The following RAC2 variants were observed in gnomAD, a reference collection of about 807,000 sequenced individuals.
The protein encoded by RAC2 is ras-related C3 botulinum toxin substrate 2.
In RAC2, 1 loss-of-function variant was observed where a neutral mutation model predicts 24.0. That is an observed-to-expected ratio of 0.04 (90% CI 0.01 to 0.20). The LOEUF (loss-of-function observed/expected upper bound fraction) is 0.20. Among genes scored for constraint, RAC2 ranks in the 10% least tolerant of loss-of-function variants. RAC2 has a pLI of 1.00. For missense variants in RAC2, 130 were observed against 259.1 expected (o/e 0.50, Z 3.42); for synonymous variants, 114 against 106.8 (o/e 1.07, Z -0.41).
intron 3 of RAC2, chr22:37,232,406 A>G (rs1414042070): frequency 9.5e-6 from 4 of 419,788 alleles, no homozygotes; most frequent in Non-Finnish European, 1.8e-5. Flanking sequence ...GCCTCCCTGC[A>G]TACCCTGGAG....
rs1374639566 is a variant in RAC2 at position 37,244,212 on chromosome 22, C to A, written c.-64G>T. 21 of 1,596,418 alleles carry A rather than the reference C, an allele frequency of 1.3e-5. No individual in the cohort carries two copies. The highest frequency in any genetic ancestry group is 1.8e-5 in the Non-Finnish European group (21 of 1,169,934). The stretch of plus-strand genomic sequence containing the variant: ...AGGGCCAGGCGCGTTTCTGCGGGCG[C>A]AAGGGGTGTGGAGGCTGGTGAGGCG... On this transcript the variant is annotated 5_prime_UTR_variant, in exon 1 of 7. Transcript: ENST00000249071.
Position 37,232,842 on chromosome 22 carries a change from C to T in RAC2, c.184G>A (p.Glu62Lys), listed in dbSNP as rs1555908409. The change falls in exon 3 of 7, where the codon GAG becomes AAG. Residue 62 changes from glutamate (E) to lysine (K), a missense_variant. Transcript: ENST00000249071. ...NLGLWDTAGQ[E>K]DYDRLRPLSY... ...AGCGGCCGGAGACGGTCGTAGTCCT[C>T]CTGCCCAGCAGTGTCCCACAGCCCC... is the stretch of plus-strand genomic sequence containing the variant. 6.2e-7 allele frequency: 1 copy of T among 1,614,088 alleles called. No homozygotes were observed. Among genetic ancestry groups the T allele is most frequent in the Non-Finnish European group, 8.5e-7 (1 of 1,180,030 alleles).
At chr22:37,238,081 T>C (rs1416908497) in intron 2 of RAC2, among the ~76,000 whole-genome samples, 1 of 151,758 alleles carries the variant, frequency 6.6e-6, no homozygotes, top group African/African-American at 2.4e-5. Context: ...GTCTGTGTAC[T>C]TGGAGTGAAG....
intron 3 of RAC2, chr22:37,232,538 C>G (rs567573793): frequency 1.9e-6 from 1 of 524,614 alleles, no homozygotes; most frequent in African/African-American, 1.9e-5. Flanking sequence ...CCTGCCCCAC[C>G]ACTGGAAACA....
intron 1 of RAC2, 51 bp downstream of exon 1, chr22:37,244,063 T>A (rs754081675): frequency 4.3e-5 from 70 of 1,612,246 alleles, no homozygotes; most frequent in Non-Finnish European, 5.7e-5. Context: ...GGCGGAAGGA[T>A]CTCAGGGCAT....
chr22:37,231,275 G>A lies in RAC2; in HGVS notation c.404C>T (p.Ala135Val), dbSNP rs1234647793. 2 of 1,613,906 alleles carry A rather than the reference G, an allele frequency of 1.2e-6. No individual in the cohort carries two copies. The highest frequency in any genetic ancestry group is 4.5e-5 in the East Asian group (2 of 44,876). The change falls in exon 5 of 7, where the codon GCT (alanine) becomes GTT (valine). Residue 135 changes from alanine to valine, a missense_variant. Coordinates refer to ENST00000249071, the MANE Select transcript of RAC2 (RefSeq NM_002872.5). The surrounding 1 kb of genome is among the most constrained non-coding windows in gnomAD (Gnocchi z 5.5). ...TIEKLKEKKL[A>V]PITYPQGLAL... ...CAGGCCCTGCGGGTAGGTGATGGGA[G>A]CCAGCTTCTTCTCCTTCAGTTTCTC...
chr22:37,240,730 A>G (rs1927361333), intron 2 of RAC2: 2 of 432,048 alleles, frequency 4.6e-6, no homozygotes, highest in East Asian at 8.4e-5. Flanking sequence ...TGGGGAGTGG[A>G]GACCCCTTCG....
At position 37,231,592 on chromosome 22, in the gene RAC2, G is replaced by A; in HGVS notation, c.289-202C>T. 3.3e-6 allele frequency: 2 copies of A among 611,656 alleles called. No individual in the cohort carries two copies. Among genetic ancestry groups the A allele is most frequent in the Non-Finnish European group, 5.8e-6 (2 of 345,448 alleles). The allele number at this position is 611,656 out of a possible 1,614,324, so 37.9% of individuals were successfully genotyped here. ...GCCACGACGTTGTGCAGGAAGGAGG[G>A]GGCGCATGATTGTAGGAAAGGAGGA... On this transcript the variant is annotated intron_variant, in intron 4 of 6. Coordinates refer to ENST00000249071, the MANE Select transcript of RAC2 (RefSeq NM_002872.5). This position sits in a 1 kb window ranked among gnomAD's most constrained non-coding sequence, Gnocchi z 5.5.
Position 37,231,334 on chromosome 22 carries a change from G to C in RAC2, c.345C>G (p.Thr115=). The C allele has an allele frequency of 6.2e-7, 1 of 1,614,140 alleles. No homozygotes were observed. The highest frequency in any genetic ancestry group is 8.5e-7 in the Non-Finnish European group (1 of 1,180,034). The change falls in exon 5 of 7, where the codon ACC becomes ACG. Residue 115 remains threonine (T), a synonymous_variant. Coordinates refer to ENST00000249071, the MANE Select transcript of RAC2 (RefSeq NM_002872.5). The surrounding 1 kb of genome is among the most constrained non-coding windows in gnomAD (Gnocchi z 5.5). ...CCTTGTCGTCCCGCAGGTCCAGCTT[G>C]GTGCCCACCAGGATGATGGGTGTGC... ...CPSTPIILVG[T]KLDLRDDKDT... is the part of the protein sequence containing the mutation.
chr22:37,239,002 A>G lies in RAC2; in HGVS notation c.107+2585T>C, dbSNP rs546699814. The stretch of plus-strand genomic sequence containing the variant: ...CCAGCAAACCTACCATCCTCAGCCC[A>G]GAAGCTCTCTCCACCTTAATCTCAG... On this transcript the variant is annotated intron_variant, in intron 2 of 6. Transcript: ENST00000249071. Among the ~76,000 whole-genome samples, 3 of 152,290 alleles carry G rather than the reference A, an allele frequency of 2.0e-5. No individual in the cohort carries two copies. In the South Asian group the frequency reaches 6.2e-4, roughly 32 times the overall value.
At chr22:37,241,141 GCAA>G in intron 2 of RAC2, 1 of 778,746 alleles carries the variant, frequency 1.3e-6, no homozygotes, top group Non-Finnish European at 2.4e-6. Context: ...TCCGCATCCT[GCAA>G]TAGAGCGCAG....
intron 1 of RAC2, among the ~76,000 whole-genome samples, chr22:37,242,506 A>G (rs1927432574): frequency 6.6e-6 from 1 of 152,128 alleles, no homozygotes; most frequent in Admixed American, 6.5e-5. Flanking sequence ...AGCTCAGCCG[A>G]AGCCCAGAGG....
Position 37,226,798 on chromosome 22 carries a change from C to T in RAC2, c.454G>A (p.Val152Met), listed in dbSNP as rs1009920056. The change falls in exon 6 of 7, where the codon GTG becomes ATG. Residue 152 changes from valine to methionine, a missense_variant. Around this residue, in one of 2 missense-constraint regions of RAC2, gnomAD observed 119 missense variants for 192.1 expected, o/e 0.62. Transcript: ENST00000249071. ...GLALAKEIDSVKYLECSALTQ... is the reference protein window; with the variant it reads ...GLALAKEIDSMKYLECSALTQ... ...AGAGCTGAGCACTCCAGGTATTTCA[C>T]CGAGTCTGGTTGGGGAGATGGACAG... 6.2e-7 allele frequency: 1 copy of T among 1,612,686 alleles called. No homozygotes were observed. The highest frequency in any genetic ancestry group is 8.5e-7 in the Non-Finnish European group (1 of 1,179,452).
At chr22:37,228,816 G>A (rs901075639) in intron 5 of RAC2, among the ~76,000 whole-genome samples, 2 of 152,222 alleles carry the variant, frequency 1.3e-5, no homozygotes, top group East Asian at 1.9e-4. Context: ...GGGCAGGGAC[G>A]AGGAGCCTGA....
intron 6 of RAC2, 58 bp from the exon 7 acceptor site, chr22:37,226,097 C>T (rs997138394): frequency 2.5e-5 from 4 of 159,776 alleles, no homozygotes; most frequent in African/African-American, 7.2e-5. Flanking sequence ...CCACAGCTCT[C>T]GCCTTCCTGG....
In RAC2 at chr22:37,243,101, C is replaced by A. The variant is rs866292566; in HGVS notation, c.35+1013G>T. ...GCAGCCTCAAACTCCCGGGCTCAGG[C>A]GATTCTCCCACCTCAGCCTCCCCAG... On this transcript the variant is annotated intron_variant, in intron 1 of 6. Transcript: ENST00000249071. Among the ~76,000 whole-genome samples the A allele has an allele frequency of 2.0e-5, 3 of 152,178 alleles. No homozygotes were observed. The South Asian group carries it at 6.2e-4, about 32-fold the overall frequency.
chr22:37,231,521 C>A lies in RAC2; in HGVS notation c.289-131G>T, dbSNP rs1927061612. The A allele has an allele frequency of 1.2e-6, 1 of 835,936 alleles. No individual in the cohort carries two copies. Among genetic ancestry groups the A allele is most frequent in the South Asian group, 1.6e-5 (1 of 64,304 alleles). The allele number at this position is 835,936 out of a possible 1,614,324, so 51.8% of individuals were successfully genotyped here. On this transcript the variant is annotated intron_variant, in intron 4 of 6. Transcript: ENST00000249071. This position sits in a 1 kb window ranked among gnomAD's most constrained non-coding sequence, Gnocchi z 5.5. ...AAGTTGCCAGAAGATCAGAGGTGGG[C>A]ACGACGGTGAGGAGAGAGAGACGTG...
At position 37,231,558 on chromosome 22, in the gene RAC2, G is replaced by A; in HGVS notation, c.289-168C>T. 1.5e-6 allele frequency: 1 copy of A among 654,754 alleles called. No individual in the cohort carries two copies. Among genetic ancestry groups the A allele is most frequent in the Non-Finnish European group, 2.7e-6 (1 of 377,022 alleles). The allele number at this position is 654,754 out of a possible 1,614,324, so 40.6% of individuals were successfully genotyped here. A position where few individuals can be genotyped will look rare whatever the true frequency, so the allele number is the denominator to read the frequency against. ...GAGAGAGAGACGTGAGGTGGCACAG[G>A]GAGGGGAGGCCACGACGTTGTGCAG... On this transcript the variant is annotated intron_variant, in intron 4 of 6. Transcript: ENST00000249071. The surrounding 1 kb of genome is among the most constrained non-coding windows in gnomAD (Gnocchi z 5.5).
At chr22:37,229,143 G>T (rs1350328987) in intron 5 of RAC2, among the ~76,000 whole-genome samples, 1 of 152,220 alleles carries the variant, frequency 6.6e-6, no homozygotes, top group African/African-American at 2.4e-5. Flanking sequence ...GGGGGCCAGG[G>T]CTCACTTTGG....
Sources: gnomAD v4.1 joint callset for allele counts (sites outside exome capture counted in the v4.1 genomes callset) on GRCh38, gnomAD v4.1.1 for gene constraint, gnomAD v4.1.1 regional missense constraint, Gnocchi (gnomAD v3.1) non-coding constraint, MANE v1.5 for transcripts, NCBI Gene and HGNC (gene_info 2026-07-23, HGNC 2026-07-21) for gene names.